MAP2K5: variants seen among roughly 807,000 people sequenced by gnomAD.
The protein encoded by MAP2K5 is mitogen-activated protein kinase kinase 5.
Under a neutral mutation model 83.1 loss-of-function variants are expected in MAP2K5, and 49 were observed. The ratio of observed to expected loss-of-function variants is 0.59; its 90% CI spans 0.47 to 0.75. The LOEUF (loss-of-function observed/expected upper bound fraction) is 0.75. MAP2K5 is among the 30% of genes least tolerant of loss of function. The probability of loss-of-function intolerance (pLI) is 0.00; values close to 1 mark genes in which losing one functional copy is unlikely to be tolerated. For synonymous variants in MAP2K5, 202 were observed against 191.8 expected (o/e 1.05, Z -0.44); for missense variants, 457 against 557.5 (o/e 0.82, Z 1.82).
intron 6 of MAP2K5, among the ~76,000 whole-genome samples, chr15:67,591,175 T>C (rs2085400901): frequency 6.6e-6 from 1 of 151,834 alleles, no homozygotes; most frequent in Non-Finnish European, 1.5e-5. Flanking sequence ...TGAAACCCTG[T>C]CTTCGCTAAA....
intron 2 of MAP2K5, 36 bp downstream of exon 2, chr15:67,550,118 T>C (rs1360653996): frequency 6.3e-7 from 1 of 1,582,668 alleles, no homozygotes; most frequent in Admixed American, 1.7e-5. Context: ...GACTATTCCT[T>C]TCTGCAGTCA....
chr15:67,687,046 T>A lies in MAP2K5; in HGVS notation c.848-5433T>A, dbSNP rs1281152818. Among the ~76,000 whole-genome samples, 5 of 152,196 alleles carry A rather than the reference T, an allele frequency of 3.3e-5. No individual in the cohort carries two copies. In the South Asian group the frequency reaches 1.0e-3, roughly 32 times the overall value. ...TTCTGTATCTTGATCATGGTGTGGT[T>A]GCATGGATGTAGACATTCATCAGAC... On this transcript the variant is annotated intron_variant, in intron 13 of 21. Coordinates refer to ENST00000178640, the MANE Select transcript of MAP2K5 (RefSeq NM_145160.3).
intron 21 of MAP2K5, among the ~76,000 whole-genome samples, chr15:67,798,738 A>C (rs984230534): frequency 6.6e-6 from 1 of 152,172 alleles, no homozygotes; most frequent in East Asian, 1.9e-4. Flanking sequence ...ATCTATTTCT[A>C]TAGCAATTAT....
At chr15:67,759,983 G>A (rs2089918556) in intron 19 of MAP2K5, among the ~76,000 whole-genome samples, 1 of 152,126 alleles carries the variant, frequency 6.6e-6, no homozygotes, top group South Asian at 2.1e-4. Flanking sequence ...CAAAGTGTTG[G>A]GAATATATAG....
chr15:67,794,513 C>CT lies in MAP2K5; in HGVS notation c.1243-12132dup, dbSNP rs1019904207. ...ATTTTCAATCCTGTAGAAAACTAGA[C>CT]TAGGTCTGATGACTTTGACCTTTGT... On this transcript the variant is annotated intron_variant, in intron 21 of 21. Coordinates refer to ENST00000178640, the MANE Select transcript of MAP2K5 (RefSeq NM_145160.3). The surrounding 1 kb of genome is among the most constrained non-coding windows in gnomAD (Gnocchi z 4.6). Among the ~76,000 whole-genome samples the CT allele has an allele frequency of 2.0e-5, 3 of 152,038 alleles. No individual in the cohort carries two copies. The highest frequency in any genetic ancestry group is 4.4e-5 in the Non-Finnish European group (3 of 68,018).
chr15:67,646,340 G>GTAT, intron 10 of MAP2K5, 41 bp downstream of exon 10: 1 of 1,386,280 alleles, frequency 7.2e-7, no homozygotes, highest in Non-Finnish European at 1.0e-6. Context: ...CATGCCTATG[G>GTAT]TATTGACTTG....
chr15:67,674,421 A>G (rs965132282), intron 13 of MAP2K5, among the ~76,000 whole-genome samples: 6 of 152,144 alleles, frequency 3.9e-5, no homozygotes, highest in Non-Finnish European at 8.8e-5. Context: ...AATATTAATC[A>G]CATCCAGCGC....
intron 8 of MAP2K5, among the ~76,000 whole-genome samples, chr15:67,609,870 C>G (rs2085878681): frequency 6.6e-6 from 1 of 152,024 alleles, no homozygotes; most frequent in African/African-American, 2.4e-5. Flanking sequence ...GGCGGAAGCC[C>G]TAAGATTAAG....
intron 21 of MAP2K5, among the ~76,000 whole-genome samples, chr15:67,789,084 A>G (rs901696206): frequency 6.6e-6 from 1 of 152,186 alleles, no homozygotes; most frequent in South Asian, 2.1e-4. Flanking sequence ...CATTGTTAAT[A>G]GTAGCTTGGG....
intron 13 of MAP2K5, among the ~76,000 whole-genome samples, chr15:67,691,563 A>G (rs895478160): frequency 1.6e-4 from 25 of 152,228 alleles, no homozygotes; most frequent in Admixed American, 3.9e-4. Context: ...TTGAGATTAT[A>G]TGCTGTTTTA....
rs4514626 is a variant in MAP2K5, at chr15:67,605,981, G to A, written c.545+5232G>A. 9.7e-4 allele frequency among the ~76,000 whole-genome samples: 147 copies of A among 152,330 alleles called. 1 individual carries two copies. Among genetic ancestry groups the A allele is most frequent in the African/African-American group, 3.3e-3 (139 of 41,580 alleles). On this transcript the variant is annotated intron_variant, in intron 8 of 21. Coordinates refer to ENST00000178640, the MANE Select transcript of MAP2K5 (RefSeq NM_145160.3). The stretch of plus-strand genomic sequence containing the variant: ...TTTCTTTAAAATGTTAAAACCTTCA[G>A]TGCTTAGTATCTGTTGACTCACTAG...
chr15:67,601,787 A>G (rs2085664411), intron 8 of MAP2K5, among the ~76,000 whole-genome samples: 1 of 152,220 alleles, frequency 6.6e-6, no homozygotes, highest in Non-Finnish European at 1.5e-5. Flanking sequence ...CAGCCTTGGT[A>G]TAGAATTTGA....
rs890835831 is a variant in MAP2K5 at position 67,746,455 on chromosome 15, T to C, written c.1075-1776T>C. ...GGGTGGGGGGAGTATCAGTGTGTGC[T>C]TGAAAAAAAAATAAAAGCAAACTCC... is the stretch of plus-strand genomic sequence containing the variant. On this transcript the variant is annotated intron_variant, in intron 17 of 21. Transcript: ENST00000178640. This position sits in a 1 kb window ranked among gnomAD's most constrained non-coding sequence, Gnocchi z 4.1. Among the ~76,000 whole-genome samples, 10 of 152,110 alleles carry C rather than the reference T, an allele frequency of 6.6e-5. No homozygotes were observed. Among genetic ancestry groups the C allele is most frequent in the African/African-American group, 2.4e-4 (10 of 41,430 alleles).
intron 11 of MAP2K5, 32 bp from the exon 12 acceptor site, chr15:67,658,521 T>C (rs771122761): frequency 6.4e-7 from 1 of 1,555,952 alleles, no homozygotes; most frequent in Non-Finnish European, 8.9e-7. Flanking sequence ...GGTAATTTCA[T>C]TTGTAGTAAC....
intron 11 of MAP2K5, among the ~76,000 whole-genome samples, chr15:67,658,114 G>A (rs914713020): frequency 5.3e-5 from 8 of 152,120 alleles, no homozygotes; most frequent in African/African-American, 1.7e-4. Context: ...AATGAGCAAC[G>A]TAGTGGTTCT....
At position 67,580,737 on chromosome 15, in the gene MAP2K5, C is replaced by G; in HGVS notation, c.253-17C>G. 6.6e-7 allele frequency: 1 copy of G among 1,507,374 alleles called. No individual in the cohort carries two copies. Among genetic ancestry groups the G allele is most frequent in the Non-Finnish European group, 9.2e-7 (1 of 1,084,912 alleles). The allele number at this position is 1,507,374 out of a possible 1,614,324, so 93.4% of individuals were successfully genotyped here. On this transcript the variant is annotated splice_polypyrimidine_tract_variant and intron_variant, in intron 3 of 21. Coordinates refer to ENST00000178640, the MANE Select transcript of MAP2K5 (RefSeq NM_145160.3). ...TCATACATTACTGAGTGATCTCTTTCTATAATCTCTTTGCAGTATTATTCC... is the reference window on the plus strand; with the variant it reads ...TCATACATTACTGAGTGATCTCTTTGTATAATCTCTTTGCAGTATTATTCC...
At chr15:67,621,203 A>G (rs138402057) in intron 8 of MAP2K5, among the ~76,000 whole-genome samples, 7 of 152,272 alleles carry the variant, frequency 4.6e-5, no homozygotes, top group Non-Finnish European at 8.8e-5. Flanking sequence ...TTACTAGAGA[A>G]ATGTTATGAA....
At chr15:67,545,834 C>T (rs1039150060) in intron 1 of MAP2K5, among the ~76,000 whole-genome samples, 2 of 152,174 alleles carry the variant, frequency 1.3e-5, no homozygotes, top group African/African-American at 4.8e-5. Flanking sequence ...GTAAAGCACT[C>T]AGAACAACTT....
chr15:67,548,447 GTGTTT>G (rs1328521226), intron 1 of MAP2K5, among the ~76,000 whole-genome samples: 1 of 152,182 alleles, frequency 6.6e-6, no homozygotes, highest in Non-Finnish European at 1.5e-5. Flanking sequence ...CCAGTTATTG[GTGTTT>G]TGTTTTATTT....
Sources: gnomAD v4.1 joint callset for allele counts (sites outside exome capture counted in the v4.1 genomes callset) on GRCh38, gnomAD v4.1.1 for gene constraint, Gnocchi (gnomAD v3.1) non-coding constraint, MANE v1.5 for transcripts, NCBI Gene and HGNC (gene_info 2026-07-23, HGNC 2026-07-21) for gene names.